The following CSMD1 variants were observed in gnomAD, a reference collection of about 807,000 sequenced individuals.
The protein encoded by CSMD1 is CUB and sushi domain-containing protein 1.
A neutral mutation model predicts 417.5 loss-of-function variants in CSMD1; 213 were observed. The ratio of observed to expected loss-of-function variants is 0.51; its 90% CI spans 0.46 to 0.57. The LOEUF is 0.57. Among genes scored for constraint, CSMD1 ranks in the 20% least tolerant of loss-of-function variants. The pLI, the probability that CSMD1 is intolerant of heterozygous loss-of-function variation, is 0.00. For missense variants in CSMD1, 6,923 were observed against 4,529.7 expected, an observed-to-expected ratio of 1.53 and a Z score of -15.17; for synonymous variants, 2,862 against 1,736.8, an observed-to-expected ratio of 1.65 and a Z score of -16.11.
intron 12 of CSMD1, among the ~76,000 whole-genome samples, chr8:3,418,448 G>A: frequency 6.6e-6 from 1 of 152,148 alleles, no homozygotes; most frequent in East Asian, 1.9e-4. Context: ...AGCACTTACT[G>A]GGAAAGCAAC....
At chr8:3,696,352 T>C (rs753320862) in intron 7 of CSMD1, among the ~76,000 whole-genome samples, 9 of 152,228 alleles carry the variant, frequency 5.9e-5, no homozygotes, top group Non-Finnish European at 1.3e-4. Context: ...TGTGTTCACC[T>C]TGGCTTATCT....
chr8:3,244,608 C>T lies in CSMD1; in HGVS notation c.4154-14377G>A, dbSNP rs565646447. ...GGGAAATCATAGACACACGTTGAAC[C>T]CAAGGCAGGACAGCCAGGGTGAAAC... On this transcript the variant is annotated intron_variant, in intron 26 of 69. Transcript: ENST00000635120. Among the ~76,000 whole-genome samples the T allele has an allele frequency of 5.3e-5, 8 of 152,250 alleles. No individual in the cohort carries two copies. In the South Asian group the frequency reaches 8.3e-4, roughly 16 times the overall value.
chr8:4,141,708 C>T (rs907936235), intron 3 of CSMD1, among the ~76,000 whole-genome samples: 1 of 151,134 alleles, frequency 6.6e-6, no homozygotes, highest in African/African-American at 2.5e-5. Context: ...GCAGGCAATT[C>T]TGATCTAATA....
chr8:3,710,467 G>C (rs769182281), intron 6 of CSMD1, among the ~76,000 whole-genome samples: 3 of 152,152 alleles, frequency 2.0e-5, no homozygotes, highest in Non-Finnish European at 4.4e-5. Flanking sequence ...GTAACCGACT[G>C]TGTGTGGCAG....
chr8:4,520,263 T>C (rs908385177), intron 2 of CSMD1, among the ~76,000 whole-genome samples: 18 of 152,178 alleles, frequency 1.2e-4, no homozygotes, highest in Admixed American at 2.0e-4. Context: ...CACATGGACA[T>C]AGTTGCAAAA....
At chr8:4,209,299 G>C (rs975063223) in intron 3 of CSMD1, among the ~76,000 whole-genome samples, 20 of 152,140 alleles carry the variant, frequency 1.3e-4, no homozygotes, top group Admixed American at 3.9e-4. Context: ...TTGCTCTTCA[G>C]TGGTTCCCAT....
chr8:3,947,636 TTC>T (rs78836420), intron 5 of CSMD1, among the ~76,000 whole-genome samples: 13,164 of 152,250 alleles, frequency 0.086, 709 homozygotes, highest in East Asian at 0.19. Flanking sequence ...TTCCCACATA[TTC>T]TGTTATCAAT....
intron 3 of CSMD1, among the ~76,000 whole-genome samples, chr8:4,415,638 C>T (rs1026275841): frequency 6.6e-6 from 1 of 152,160 alleles, no homozygotes; most frequent in Admixed American, 6.5e-5. Flanking sequence ...TTCATTTCAT[C>T]TTTGTATTCC....
rs1797161892 is a variant in CSMD1 at position 4,420,075 on chromosome 8, A to G, written c.303-10T>C. 1.3e-6 allele frequency: 2 copies of G among 1,532,402 alleles called. No homozygotes were observed. Among genetic ancestry groups the G allele is most frequent in the Non-Finnish European group, 1.8e-6 (2 of 1,128,688 alleles). 94.9% of individuals were successfully genotyped at this position (1,532,402 alleles called of 1,614,324 possible). On this transcript the variant is annotated splice_polypyrimidine_tract_variant and intron_variant, in intron 2 of 69. Transcript: ENST00000635120. ...CTGAAATCCCGATAATCTAAATTTA[A>G]AAGACAAGACACAAAGAGAGTTAAA...
At chr8:3,761,976 C>A (rs925326250) in intron 5 of CSMD1, among the ~76,000 whole-genome samples, 1 of 152,116 alleles carries the variant, frequency 6.6e-6, no homozygotes, top group Non-Finnish European at 1.5e-5. Context: ...CATAAGCATC[C>A]CTCTTGGTGA....
intron 49 of CSMD1, among the ~76,000 whole-genome samples, chr8:3,077,344 C>G (rs893200797): frequency 2.0e-5 from 3 of 152,122 alleles, no homozygotes; most frequent in African/African-American, 7.2e-5. Flanking sequence ...GGACTGAGCC[C>G]TGAAATGAGA....
At chr8:4,197,652 G>A (rs1799416876) in intron 3 of CSMD1, among the ~76,000 whole-genome samples, 1 of 152,222 alleles carries the variant, frequency 6.6e-6, no homozygotes, top group African/African-American at 2.4e-5. Flanking sequence ...GCCGAGGCAG[G>A]TGGATCATTT....
chr8:3,729,445 C>T (rs1162696415), intron 6 of CSMD1, among the ~76,000 whole-genome samples: 1 of 152,128 alleles, frequency 6.6e-6, no homozygotes, highest in Non-Finnish European at 1.5e-5. Flanking sequence ...TAATATCCGC[C>T]AGTAGATGAA....
At position 3,786,242 on chromosome 8, in the gene CSMD1, C is replaced by A. The variant is rs1047136448; in HGVS notation, c.819-32200G>T. Among the ~76,000 whole-genome samples, 9 of 151,938 alleles carry A rather than the reference C, an allele frequency of 5.9e-5. 1 individual carries two copies. Among genetic ancestry groups the A allele is most frequent in the African/African-American group, 1.9e-4 (8 of 41,352 alleles). On this transcript the variant is annotated intron_variant, in intron 5 of 69. Transcript: ENST00000635120. ...GATCAAGGTGTCGCTAAGACATTGT[C>A]GGGAGATGTCAAGGCAAGAGTGGAT...
chr8:4,152,252 G>C (rs1171138878), intron 3 of CSMD1, among the ~76,000 whole-genome samples: 1 of 152,130 alleles, frequency 6.6e-6, no homozygotes, highest in Non-Finnish European at 1.5e-5. Flanking sequence ...TCAAGAGAAT[G>C]CTCTATGATG....
At chr8:4,454,303 G>A (rs1263195287) in intron 2 of CSMD1, among the ~76,000 whole-genome samples, 1 of 152,102 alleles carries the variant, frequency 6.6e-6, no homozygotes, top group Non-Finnish European at 1.5e-5. Flanking sequence ...ACCAGACGCA[G>A]CCTCTTCTTC....
chr8:3,417,303 G>C (rs1428051944), intron 12 of CSMD1, among the ~76,000 whole-genome samples: 1 of 152,166 alleles, frequency 6.6e-6, no homozygotes, highest in Non-Finnish European at 1.5e-5. Context: ...CTCTGCTGTA[G>C]CTGTTCAGGA....
chr8:3,186,267 T>C (rs1257375483), intron 36 of CSMD1, among the ~76,000 whole-genome samples: 1 of 152,178 alleles, frequency 6.6e-6, no homozygotes, highest in Non-Finnish European at 1.5e-5. Flanking sequence ...AGAAATCACA[T>C]GCTAAACTAA....
intron 41 of CSMD1, among the ~76,000 whole-genome samples, chr8:3,132,730 A>G (rs1397895692): frequency 2.6e-5 from 4 of 152,318 alleles, no homozygotes; most frequent in South Asian, 4.1e-4. Context: ...TAACAAGACA[A>G]CTATTCACCA....
Sources: gnomAD v4.1 joint callset for allele counts (sites outside exome capture counted in the v4.1 genomes callset) on GRCh38, gnomAD v4.1.1 for gene constraint, MANE v1.5 for transcripts, NCBI Gene and HGNC (gene_info 2026-07-23, HGNC 2026-07-21) for gene names.